CXADR: variants seen among roughly 807,000 people sequenced by gnomAD.
CXADR encodes the protein coxsackievirus and adenovirus receptor.
A neutral mutation model predicts 40.3 loss-of-function variants in CXADR; 20 were observed. That is an observed-to-expected ratio of 0.50 (90% CI 0.35 to 0.72). CXADR has a LOEUF of 0.72. Among genes scored for constraint, CXADR ranks in the 30% least tolerant of loss-of-function variants. The pLI, the probability that CXADR is intolerant of heterozygous loss-of-function variation, is 0.01. For missense variants in CXADR, 332 were observed against 449.1 expected (o/e 0.74, Z 2.36); for synonymous variants, 150 against 161.3 (o/e 0.93, Z 0.53).
the CXADR span, chr21:17,598,822 T>A: frequency 6.2e-7 from 1 of 1,605,248 alleles, no homozygotes; most frequent in South Asian, 1.1e-5. Flanking sequence ...TTTCTCTCCA[T>A]ACCTAAGAAT....
chr21:17,581,225 C>T (rs2061357789), intron 7 of CXADR, among the ~76,000 whole-genome samples: 1 of 152,052 alleles, frequency 6.6e-6, no homozygotes, highest in African/African-American at 2.4e-5. Flanking sequence ...TTAAATTAAT[C>T]CCATCCTTTT....
intron 7 of CXADR, among the ~76,000 whole-genome samples, chr21:17,590,753 AAAAGTT>A (rs2061429272): frequency 6.6e-6 from 1 of 152,068 alleles, no homozygotes; most frequent in Non-Finnish European, 1.5e-5. Context: ...AGTAAGAAAA[AAAAGTT>A]AAAGACTGTG....
downstream of CXADR, among the ~76,000 whole-genome samples, chr21:17,574,815 A>G (rs1482983098): frequency 3.3e-5 from 5 of 152,102 alleles, no homozygotes; most frequent in African/African-American, 4.8e-5. Context: ...TAGATATGCA[A>G]ATGGAGATGT....
chr21:17,527,351 T>A (rs757027929), intron 1 of CXADR: 1 of 152,232 alleles, frequency 6.6e-6, no homozygotes, highest in African/African-American at 2.4e-5. Context: ...ACAATCCAGT[T>A]CAGCAAATCT....
chr21:17,627,922 T>C, the CXADR span, among the ~76,000 whole-genome samples: 1 of 152,224 alleles, frequency 6.6e-6, no homozygotes, highest in South Asian at 2.1e-4. Flanking sequence ...TCTGGTCTAG[T>C]TCAGTAGTTT....
At chr21:17,559,868 G>A (rs1651997788) in intron 4 of CXADR, among the ~76,000 whole-genome samples, 1 of 149,750 alleles carries the variant, frequency 6.7e-6, no homozygotes, top group Non-Finnish European at 1.5e-5. Flanking sequence ...TTGTAGACAT[G>A]GAGTTTCTGC....
At chr21:17,587,809 C>T (rs1348297615) in intron 7 of CXADR, among the ~76,000 whole-genome samples, 5 of 152,124 alleles carry the variant, frequency 3.3e-5, no homozygotes, top group Non-Finnish European at 7.4e-5. Flanking sequence ...GAAGTCCTTG[C>T]CCATGCCTAT....
Position 17,513,164 on chromosome 21 carries a change from G to A in CXADR, c.35G>A (p.Gly12Glu), listed in dbSNP as rs868599823. The A allele has an allele frequency of 2.9e-6, 4 of 1,366,898 alleles. No individual in the cohort carries two copies. The highest frequency in any genetic ancestry group is 1.9e-5 in the South Asian group (1 of 51,316). 84.7% of individuals were successfully genotyped at this position (1,366,898 alleles called of 1,614,324 possible). A position where few individuals can be genotyped will look rare whatever the true frequency, so the allele number is the denominator to read the frequency against. Residue 12 changes from glycine (G) to glutamate (E), a missense_variant, in exon 1 of 7, where the codon GGA becomes GAA. Physicochemically the swap from Gly to Glu is moderately conservative, Grantham distance 98. Around this residue, in one of 3 missense-constraint regions of CXADR, gnomAD observed 162 missense variants for 198.5 expected, o/e 0.82. Transcript: ENST00000284878. ...CTGCTGTGCTTCGTGCTCCTGTGCG[G>A]AGTAGTGGGTGAGTAGGGGCCATGG... is the stretch of plus-strand genomic sequence containing the variant. ...ALLLCFVLLC[G>E]VVDFARSLSI...
chr21:17,562,770 TG>T (rs569315685), intron 6 of CXADR, among the ~76,000 whole-genome samples: 2 of 152,252 alleles, frequency 1.3e-5, no homozygotes, highest in Non-Finnish European at 2.9e-5. Context: ...AGCACTTTGT[TG>T]CTTCACTTTG....
At chr21:17,584,202 TGAA>T (rs1392873075) in intron 7 of CXADR, among the ~76,000 whole-genome samples, 1 of 152,166 alleles carries the variant, frequency 6.6e-6, no homozygotes, top group Non-Finnish European at 1.5e-5. Context: ...ACTGAACAAA[TGAA>T]GAACAAACTG....
At chr21:17,593,427 A>AGAT (rs2061461376) in exon 8 of CXADR, 1 of 315,500 alleles carries the variant, frequency 3.2e-6, no homozygotes. Context: ...GATAGTTAAA[A>AGAT]GATGTTTTAT....
the CXADR span, chr21:17,614,091 A>C: frequency 5.2e-5 from 4 of 76,674 alleles, no homozygotes; most frequent in East Asian, 7.2e-4. Context: ...CAGTACAATA[A>C]ACTTTATTTG....
rs753680598 is a variant in CXADR at position 17,565,631 on chromosome 21, G to C, written c.1037G>C (p.Ser346Thr). The change falls in exon 7 of 7, where the codon AGT (serine) becomes ACT (threonine). Residue 346 changes from serine to threonine, a missense_variant. Around this residue, in one of 3 missense-constraint regions of CXADR, gnomAD observed 150 missense variants for 194.2 expected, o/e 0.77. Coordinates refer to ENST00000284878, the MANE Select transcript of CXADR (RefSeq NM_001338.5). ...PPAKVAAPNL[S>T]RMGAIPVMIP... ...GCTAAGGTAGCTGCCCCTAATCTAA[G>C]TCGAATGGGTGCGATTCCTGTGATG... The C allele has an allele frequency of 6.2e-7, 1 of 1,612,298 alleles. No individual in the cohort carries two copies. Among genetic ancestry groups the C allele is most frequent in the South Asian group, 1.1e-5 (1 of 91,002 alleles).
the CXADR span, among the ~76,000 whole-genome samples, chr21:17,615,410 G>A: frequency 6.6e-6 from 1 of 152,112 alleles, no homozygotes; most frequent in Non-Finnish European, 1.5e-5. Flanking sequence ...CCTTATCCAC[G>A]GTAGGATATG....
Position 17,566,676 on chromosome 21 carries a change from T to G in CXADR, c.*984T>G. 1 of 984,166 alleles carries G rather than the reference T, an allele frequency of 1.0e-6. No homozygotes were observed. Among genetic ancestry groups the G allele is most frequent in the Non-Finnish European group, 1.2e-6 (1 of 829,120 alleles). 61.0% of individuals were successfully genotyped at this position (984,166 alleles called of 1,614,324 possible). ...TCCAGTGCTTTATGTTGTTGTTGTT[T>G]TTGGATGGTGTTACATATTATATGT... is the stretch of plus-strand genomic sequence containing the variant. On this transcript the variant is annotated 3_prime_UTR_variant, in exon 7 of 7. Transcript: ENST00000284878.
chr21:17,613,116 C>G, the CXADR span: 2 of 152,126 alleles, frequency 1.3e-5, no homozygotes, highest in African/African-American at 4.8e-5. Context: ...CGCAGACCCT[C>G]GACCGCGACG....
At chr21:17,603,484 G>T in the CXADR span, among the ~76,000 whole-genome samples, 15 of 152,098 alleles carry the variant, frequency 9.9e-5, no homozygotes, top group Non-Finnish European at 1.9e-4. Flanking sequence ...TTTAATGGAA[G>T]AATAATCATG....
intron 1 of CXADR, among the ~76,000 whole-genome samples, chr21:17,513,412 G>A (rs979720956): frequency 6.6e-6 from 1 of 152,014 alleles, no homozygotes; most frequent in Non-Finnish European, 1.5e-5. Flanking sequence ...AGCCCTCGGC[G>A]GGGGGTGGAG....
At chr21:17,588,865 T>G (rs988119383) in intron 7 of CXADR, among the ~76,000 whole-genome samples, 1 of 152,100 alleles carries the variant, frequency 6.6e-6, no homozygotes, top group Admixed American at 6.6e-5. Flanking sequence ...TGATTTCTAT[T>G]GACTTTATGT....
Sources: allele counts gnomAD v4.1 joint callset (sites outside exome capture counted in the v4.1 genomes callset), GRCh38; gene constraint gnomAD v4.1.1; regional missense constraint gnomAD v4.1.1; transcripts MANE v1.5; gene names NCBI Gene and HGNC (gene_info 2026-07-23, HGNC 2026-07-21).